MROH1: variants seen among roughly 807,000 people sequenced by gnomAD.
MROH1 encodes the protein maestro heat-like repeat-containing protein family member 1.
In MROH1, 117 loss-of-function variants were observed where a neutral mutation model predicts 116.5. The ratio of observed to expected loss-of-function variants is 1.00; its 90% CI spans 0.86 to 1.17. The LOEUF (loss-of-function observed/expected upper bound fraction) is 1.17. MROH1 is among the 50% of genes most tolerant of loss of function. The probability of loss-of-function intolerance (pLI) is 0.00; values close to 1 mark genes in which losing one functional copy is unlikely to be tolerated. For synonymous variants in MROH1, 921 were observed against 583.9 expected, an observed-to-expected ratio of 1.58 and a Z score of -8.32; for missense variants, 1,873 against 1,338.5, an observed-to-expected ratio of 1.40 and a Z score of -6.23.
chr8:144,181,887 C>T (rs867656695), intron 7 of MROH1, among the ~76,000 whole-genome samples: 14 of 152,348 alleles, frequency 9.2e-5, no homozygotes, highest in Middle Eastern at 3.4e-3. Context: ...TGCTGAGGCT[C>T]TAAGCAGAAA....
chr8:144,183,648 C>A (rs943961581), intron 7 of MROH1, among the ~76,000 whole-genome samples: 1 of 143,086 alleles, frequency 7.0e-6, no homozygotes, highest in Non-Finnish European at 1.6e-5. Context: ...CTTCTTTTTT[C>A]TTTTTTCTTT....
rs1260220676 is a variant in MROH1, at chr8:144,200,419, G to C, written c.1028-9G>C. ...ACATGGAGCCTAATCTGTACCCGTT[G>C]CCCTGTAGCCTGCAGCTCGCCTGAC... On this transcript the variant is annotated splice_polypyrimidine_tract_variant and intron_variant, in intron 11 of 43. Coordinates refer to ENST00000326134, the MANE Select transcript of MROH1 (RefSeq NM_032450.3). 1 of 1,545,076 alleles carries C rather than the reference G, an allele frequency of 6.5e-7. No individual in the cohort carries two copies. Among genetic ancestry groups the C allele is most frequent in the African/African-American group, 1.4e-5 (1 of 73,070 alleles).
chr8:144,172,288 C>T (rs572181827), intron 4 of MROH1, among the ~76,000 whole-genome samples: 1 of 152,332 alleles, frequency 6.6e-6, no homozygotes, highest in Admixed American at 6.5e-5. Flanking sequence ...TCTATTATCT[C>T]TGAAGGCTGC....
In MROH1 at chr8:144,246,132, C is replaced by T. The variant is rs892473082; in HGVS notation, c.2871+872C>T. ...CTTTCCTTTCTTTCCTTTCTGAGACCGAGTCTCTCGCTCTCACCCAGGCTG... is the reference window on the plus strand; with the variant it reads ...CTTTCCTTTCTTTCCTTTCTGAGACTGAGTCTCTCGCTCTCACCCAGGCTG... On this transcript the variant is annotated intron_variant, in intron 29 of 43. Coordinates refer to ENST00000326134, the MANE Select transcript of MROH1 (RefSeq NM_032450.3). Among the ~76,000 whole-genome samples, 531 of 142,066 alleles carry T rather than the reference C, an allele frequency of 3.7e-3. 6 individuals carry two copies. Among genetic ancestry groups the T allele is most frequent in the African/African-American group, 0.012 (481 of 38,558 alleles). 93.2% of individuals were successfully genotyped at this position (142,066 alleles called of 152,430 possible).
chr8:144,239,194 G>A lies in MROH1; in HGVS notation c.1591+15G>A, dbSNP rs1263036556. ...CGACGCCCATGGTGCGTGCCGCGCC[G>A]TACCCCACCTCCCCACTCCTGCCCC... On this transcript the variant is annotated intron_variant, in intron 16 of 43. Coordinates refer to ENST00000326134, the MANE Select transcript of MROH1 (RefSeq NM_032450.3). 27 of 753,936 alleles carry A rather than the reference G, an allele frequency of 3.6e-5. No individual in the cohort carries two copies. Among genetic ancestry groups the A allele is most frequent in the Non-Finnish European group, 5.3e-5 (22 of 411,414 alleles). 46.7% of individuals were successfully genotyped at this position (753,936 alleles called of 1,614,324 possible). A position where few individuals can be genotyped will look rare whatever the true frequency, so the allele number is the denominator to read the frequency against.
In MROH1 at chr8:144,254,880, C is replaced by T; in HGVS notation, c.3496C>T (p.Leu1166=). The change falls in exon 34 of 44, where the codon CTG becomes TTG. Residue 1166 remains leucine (L), a synonymous_variant. Coordinates refer to ENST00000326134, the MANE Select transcript of MROH1 (RefSeq NM_032450.3). ...CCTAGCTGCCCAGGTCCTGGGGCTG[C>T]TGCTGGAGAAGATGAGTAGGGACGT... The part of the protein sequence containing the change: ...PRLAAQVLGL[L]LEKMSRDVPF... 1 of 778,218 alleles carries T rather than the reference C, an allele frequency of 1.3e-6. No homozygotes were observed. The highest frequency in any genetic ancestry group is 2.4e-6 in the Non-Finnish European group (1 of 417,568). 48.2% of individuals were successfully genotyped at this position (778,218 alleles called of 1,614,324 possible).
intron 35 of MROH1, among the ~76,000 whole-genome samples, chr8:144,256,898 G>C (rs1843944002): frequency 6.6e-6 from 1 of 152,262 alleles, no homozygotes; most frequent in African/African-American, 2.4e-5. Flanking sequence ...CCCTGGTCCA[G>C]ATGGGGCCTT....
intron 7 of MROH1, among the ~76,000 whole-genome samples, chr8:144,189,981 G>A (rs887740031): frequency 6.6e-6 from 1 of 152,194 alleles, no homozygotes; most frequent in African/African-American, 2.4e-5. Context: ...CACAGTTTTG[G>A]AGACTGGAAG....
At position 144,259,436 on chromosome 8, in the gene MROH1, C is replaced by T. The variant is rs1291722577; in HGVS notation, c.4044+82C>T. 5.6e-6 allele frequency: 4 copies of T among 709,130 alleles called. No homozygotes were observed. In the Admixed American group the frequency reaches 8.0e-5, roughly 14 times the overall value. The allele number at this position is 709,130 out of a possible 1,614,324, so 43.9% of individuals were successfully genotyped here. On this transcript the variant is annotated intron_variant, in intron 37 of 43. Transcript: ENST00000326134. ...GGCACGGGATGCCCTTTTCTTACCC[C>T]TAAAAGGCCCCCTCGACCGTGGTCT... is the stretch of plus-strand genomic sequence containing the variant.
intron 1 of MROH1, among the ~76,000 whole-genome samples, chr8:144,157,284 G>A (rs1435140580): frequency 7.9e-5 from 12 of 152,120 alleles, no homozygotes; most frequent in African/African-American, 2.7e-4. Flanking sequence ...GCTTCACCAT[G>A]TTGGCCAGGC....
chr8:144,182,833 T>C lies in MROH1; in HGVS notation c.562+2310T>C, dbSNP rs919550882. ...GGCTCATGCCTGTAATCCCAGCACT[T>C]TGGAAAGCCGAAGCGGGCTGATCAC... is the stretch of plus-strand genomic sequence containing the variant. On this transcript the variant is annotated intron_variant, in intron 7 of 43. Transcript: ENST00000326134. This position sits in a 1 kb window ranked among gnomAD's most constrained non-coding sequence, Gnocchi z 4.1. Among the ~76,000 whole-genome samples, 1 of 152,066 alleles carries C rather than the reference T, an allele frequency of 6.6e-6. No individual in the cohort carries two copies. Among genetic ancestry groups the C allele is most frequent in the Non-Finnish European group, 1.5e-5 (1 of 68,012 alleles).
chr8:144,238,053 A>C (rs1840343399), intron 14 of MROH1, among the ~76,000 whole-genome samples: 1 of 152,072 alleles, frequency 6.6e-6, no homozygotes, highest in Non-Finnish European at 1.5e-5. Flanking sequence ...TGTTGGTTGC[A>C]ATATTATTTT....
At chr8:144,201,244 A>G (rs1450147434) in intron 12 of MROH1, 2 of 152,090 alleles carry the variant, frequency 1.3e-5, no homozygotes, top group African/African-American at 4.8e-5. Context: ...TTTTTTTAGT[A>G]GAGACAGGGT....
intron 35 of MROH1, among the ~76,000 whole-genome samples, chr8:144,258,427 G>A (rs1844330911): frequency 6.6e-6 from 1 of 152,180 alleles, no homozygotes; most frequent in Non-Finnish European, 1.5e-5. Context: ...GGCCCGGGGT[G>A]GGGGGCACCT....
At chr8:144,252,885 G>T (rs903429148) in intron 33 of MROH1, among the ~76,000 whole-genome samples, 3 of 152,000 alleles carry the variant, frequency 2.0e-5, no homozygotes, top group African/African-American at 4.8e-5. Flanking sequence ...GAACCCAGGA[G>T]GCGGAAGATG....
At chr8:144,191,398 C>T (rs1246423367) in intron 8 of MROH1, among the ~76,000 whole-genome samples, 4 of 152,176 alleles carry the variant, frequency 2.6e-5, no homozygotes, top group African/African-American at 4.8e-5. Flanking sequence ...CTGCACAGGG[C>T]CCCCTCTGCA....
rs1041797642 is a variant in MROH1 at position 144,248,553 on chromosome 8, C to G, written c.3121-324C>G. On this transcript the variant is annotated intron_variant, in intron 31 of 43. Coordinates refer to ENST00000326134, the MANE Select transcript of MROH1 (RefSeq NM_032450.3). ...CGTGTTCTAGAGAGCTCCAGGGCGACTGCACCACAGGGCTGCTCCCAGCCC... is the reference window on the plus strand; with the variant it reads ...CGTGTTCTAGAGAGCTCCAGGGCGAGTGCACCACAGGGCTGCTCCCAGCCC... Among the ~76,000 whole-genome samples, 9 of 152,204 alleles carry G rather than the reference C, an allele frequency of 5.9e-5. No homozygotes were observed. In the South Asian group the frequency reaches 1.4e-3, roughly 24 times the overall value.
chr8:144,170,989 G>A (rs976789747), intron 4 of MROH1, among the ~76,000 whole-genome samples: 43 of 152,192 alleles, frequency 2.8e-4, no homozygotes, highest in African/African-American at 8.9e-4. Context: ...CTTACACCAC[G>A]CAACAATCAA....
At chr8:144,240,955 G>A (rs1840876586) in intron 20 of MROH1, 37 bp from the exon 21 acceptor site, 1 of 722,096 alleles carries the variant, frequency 1.4e-6, no homozygotes, top group African/African-American at 1.7e-5. Flanking sequence ...CTGTACTCAG[G>A]AGTCAGGCAG....
Sources: gnomAD v4.1 joint callset for allele counts (sites outside exome capture counted in the v4.1 genomes callset) on GRCh38, gnomAD v4.1.1 for gene constraint, Gnocchi (gnomAD v3.1) non-coding constraint, MANE v1.5 for transcripts, NCBI Gene and HGNC (gene_info 2026-07-23, HGNC 2026-07-21) for gene names.